The following DMAC2L variants were observed in gnomAD, a reference collection of about 807,000 sequenced individuals.
DMAC2L encodes the protein ATP synthase subunit s, mitochondrial.
In DMAC2L, 21 loss-of-function variants were observed where a neutral mutation model predicts 22.5. That is an observed-to-expected ratio of 0.93 (90% confidence interval 0.66 to 1.34). DMAC2L has a LOEUF of 1.34. DMAC2L is among the 40% of genes most tolerant of loss of function. DMAC2L has a pLI of 0.00. For synonymous variants in DMAC2L, 86 were observed against 89.5 expected, an observed-to-expected ratio of 0.96 and a Z score of 0.22; for missense variants, 239 against 246.5, an observed-to-expected ratio of 0.97 and a Z score of 0.20.
intron 2 of DMAC2L, chr14:50,319,341 C>T: frequency 6.5e-7 from 1 of 1,535,928 alleles, no homozygotes; most frequent in Non-Finnish European, 8.7e-7. Flanking sequence ...CTCACTGTTC[C>T]ACGGCCTCAG....
In DMAC2L at chr14:50,326,831, A is replaced by G; in HGVS notation, c.*1108A>G. The G allele has an allele frequency of 1.1e-6, 1 of 897,128 alleles. No individual in the cohort carries two copies. Among genetic ancestry groups the G allele is most frequent in the Non-Finnish European group, 1.3e-6 (1 of 749,580 alleles). The allele number at this position is 897,128 out of a possible 1,614,324, so 55.6% of individuals were successfully genotyped here. On this transcript the variant is annotated 3_prime_UTR_variant, in exon 6 of 6. Transcript: ENST00000557421. The stretch of plus-strand genomic sequence containing the variant: ...TGAGGTGGGAGGATCACTTGAGACC[A>G]GGAGTTTGAGACCAATTTGGGCAAC...
At chr14:50,311,888 C>T, upstream of DMAC2L, 1 of 1,348,796 alleles carries the variant, frequency 7.4e-7, no homozygotes, top group Admixed American at 2.1e-5. Context: ...GTTGGAGTGC[C>T]ACAGGACCCC....
intron 4 of DMAC2L, chr14:50,322,990 A>G (rs545191273): frequency 5.0e-5 from 67 of 1,337,080 alleles, no homozygotes; most frequent in African/African-American, 1.5e-4. Context: ...TTGTCAAACT[A>G]TCTTTGTCAA....
upstream of DMAC2L, chr14:50,312,302 G>A (rs2139248566): frequency 1.7e-6 from 2 of 1,181,352 alleles, no homozygotes; most frequent in East Asian, 2.6e-5. Flanking sequence ...GTGGCCAATA[G>A]GCGCGCGCGT....
chr14:50,322,525 GCA>G lies in DMAC2L; in HGVS notation c.123_124del (p.Ile42GlnfsTer6). On this transcript the variant is annotated frameshift_variant, in exon 4 of 6. Coordinates refer to ENST00000557421, the MANE Select transcript of DMAC2L (RefSeq NM_001382507.1). LOFTEE classifies it high-confidence loss of function. ...CTTGCCAACAGGGTGGATTATGATCGCATCAGGGATGTTGGCCCTGACAGGGC... is the reference window on the plus strand; with the variant it reads ...CTTGCCAACAGGGTGGATTATGATCGTCAGGGATGTTGGCCCTGACAGGGC... 3 of 1,601,980 alleles carry G rather than the reference GCA, an allele frequency of 1.9e-6. No individual in the cohort carries two copies. Among genetic ancestry groups the G allele is most frequent in the Non-Finnish European group, 2.6e-6 (3 of 1,170,384 alleles).
At chr14:50,315,662 CAAAAAAAAAAAA>C (rs142527130) in intron 2 of DMAC2L, among the ~76,000 whole-genome samples, 4 of 81,556 alleles carry the variant, frequency 4.9e-5, no homozygotes, top group South Asian at 5.0e-4. Context: ...TTCTGTTTCA[CAAAAAAAAAAAA>C]AAAAAAAAAA....
chr14:50,324,266 C>A, intron 5 of DMAC2L, 150 bp downstream of exon 5: 1 of 764,522 alleles, frequency 1.3e-6, no homozygotes, highest in Non-Finnish European at 2.0e-6. Context: ...TATTTTAAAA[C>A]AGCTAAAATG....
chr14:50,318,878 A>G (rs1868443910), intron 2 of DMAC2L: 1 of 252,386 alleles, frequency 4.0e-6, no homozygotes, highest in Admixed American at 6.5e-5. Flanking sequence ...ATCTCTCTTT[A>G]TTAAATTATA....
upstream of DMAC2L, chr14:50,312,226 T>G (rs1407655711): frequency 1.9e-6 from 3 of 1,571,412 alleles, no homozygotes; most frequent in South Asian, 3.4e-5. Flanking sequence ...CCGCGCTCTT[T>G]AGCCCCGCCC....
At chr14:50,312,170 C>A (rs780582737), upstream of DMAC2L, 2 of 1,608,280 alleles carry the variant, frequency 1.2e-6, no homozygotes, top group Non-Finnish European at 1.7e-6. Flanking sequence ...ACGCTCCCCT[C>A]CCTCAGCGCT....
At chr14:50,322,319 AAGTC>A (rs773620188) in intron 3 of DMAC2L, among the ~76,000 whole-genome samples, 188 bp from the exon 4 acceptor site, 38 of 152,022 alleles carry the variant, frequency 2.5e-4, no homozygotes, top group Non-Finnish European at 4.7e-4. Context: ...AAAACTAAAA[AAGTC>A]AGCAGATAGA....
chr14:50,313,635 G>C (rs992137598), intron 1 of DMAC2L, among the ~76,000 whole-genome samples: 45 of 152,164 alleles, frequency 3.0e-4, no homozygotes, highest in African/African-American at 1.0e-3. Flanking sequence ...GAGATTCTGT[G>C]TACCCTTTAC....
chr14:50,319,179 C>G, intron 2 of DMAC2L: 1 of 1,535,000 alleles, frequency 6.5e-7, no homozygotes, highest in Non-Finnish European at 8.7e-7. Flanking sequence ...TAGAGTTATT[C>G]AAGGTGGGCA....
chr14:50,314,426 G>T (rs953955208), intron 1 of DMAC2L, among the ~76,000 whole-genome samples, 165 bp from the exon 2 acceptor site: 2 of 152,082 alleles, frequency 1.3e-5, no homozygotes, highest in African/African-American at 4.8e-5. Context: ...TCTCGGTCTC[G>T]GGTATGTCTT....
chr14:50,315,689 A>AAAG (rs1555335335), intron 2 of DMAC2L, among the ~76,000 whole-genome samples: 2 of 137,122 alleles, frequency 1.5e-5, no homozygotes, highest in Non-Finnish European at 3.1e-5. Context: ...AAAAAAAAAA[A>AAAG]GAGTAATAAA....
At chr14:50,315,556 G>C (rs2031708495) in intron 2 of DMAC2L, among the ~76,000 whole-genome samples, 1 of 149,932 alleles carries the variant, frequency 6.7e-6, no homozygotes, top group Non-Finnish European at 1.5e-5. Flanking sequence ...CAGCTACTTG[G>C]GAGGCTGAGG....
rs1325139987 is a variant in DMAC2L, at chr14:50,326,230, A to G, written c.*507A>G. The G allele has an allele frequency of 7.2e-5, 27 of 374,086 alleles. No individual in the cohort carries two copies. The highest frequency in any genetic ancestry group is 8.8e-5 in the Non-Finnish European group (24 of 272,076). The allele number at this position is 374,086 out of a possible 1,614,324, so 23.2% of individuals were successfully genotyped here. A position where few individuals can be genotyped will look rare whatever the true frequency, so the allele number is the denominator to read the frequency against. On this transcript the variant is annotated 3_prime_UTR_variant, in exon 6 of 6. Transcript: ENST00000557421. ...GGTGACAGAGCGAGACTGTCTCAAA[A>G]AAAAAAAAAAAAGAAAAATGTAAAC...
Position 50,314,579 on chromosome 14 carries a change from TTG to T in DMAC2L, c.-41-10_-41-9del. On this transcript the variant is annotated splice_polypyrimidine_tract_variant and intron_variant, in intron 1 of 5. Coordinates refer to ENST00000557421, the MANE Select transcript of DMAC2L (RefSeq NM_001382507.1). ...TACAGCCTTTTGTGTGAACCTGTTT[TTG>T]TTTCTCTAGGATAAGTGCCCAAGAG... 2.2e-6 allele frequency: 1 copy of T among 455,884 alleles called. No homozygotes were observed. Among genetic ancestry groups the T allele is most frequent in the Non-Finnish European group, 4.4e-6 (1 of 226,812 alleles). The allele number at this position is 455,884 out of a possible 1,614,324, so 28.2% of individuals were successfully genotyped here. A position where few individuals can be genotyped will look rare whatever the true frequency, so the allele number is the denominator to read the frequency against.
In DMAC2L at chr14:50,312,407, G is replaced by C; in HGVS notation, c.-42+18G>C. The C allele has an allele frequency of 3.5e-6, 2 of 567,172 alleles. No individual in the cohort carries two copies. Among genetic ancestry groups the C allele is most frequent in the South Asian group, 2.0e-5 (1 of 50,306 alleles). 35.1% of individuals were successfully genotyped at this position (567,172 alleles called of 1,614,324 possible). Reference sequence around the variant, plus strand: ...CCGACGCTGTGAGTAGAGAAGCTAGGCCCCGAGCCGGGCGGGACTAGGGTG... The same window carrying C: ...CCGACGCTGTGAGTAGAGAAGCTAGCCCCCGAGCCGGGCGGGACTAGGGTG... On this transcript the variant is annotated intron_variant, in intron 1 of 5. Coordinates refer to ENST00000557421, the MANE Select transcript of DMAC2L (RefSeq NM_001382507.1).
Sources: gnomAD v4.1 joint callset for allele counts (sites outside exome capture counted in the v4.1 genomes callset) on GRCh38, gnomAD v4.1.1 for gene constraint, MANE v1.5 for transcripts, NCBI Gene and HGNC (gene_info 2026-07-23, HGNC 2026-07-21) for gene names.